COQ8A: variants seen among roughly 807,000 people sequenced by gnomAD.
The protein encoded by COQ8A is coenzyme Q8A.
COQ8A carries 51 observed loss-of-function variants against 65.0 expected under a neutral mutation model. The observed-to-expected ratio is 0.78, with a 90% confidence interval of 0.63 to 0.99. The LOEUF (loss-of-function observed/expected upper bound fraction) is 0.99. COQ8A is among the 50% of genes least tolerant of loss of function. COQ8A has a pLI of 0.00. For synonymous variants in COQ8A, 371 were observed against 353.2 expected (o/e 1.05, Z -0.57); for missense variants, 940 against 875.0 (o/e 1.07, Z -0.94).
At position 226,983,819 on chromosome 1, in the gene COQ8A, C is replaced by A; in HGVS notation, c.1221C>A (p.Asp407Glu). Residue 407 changes from aspartate (D) to glutamate (E), a missense_variant, in exon 10 of 15, where the codon GAC becomes GAA. Physicochemically the swap from Asp to Glu is conservative, Grantham distance 45 (BLOSUM62 2). Transcript: ENST00000366777. ...VLRRELALEC[D>E]YQREAACARK... ...GGCGGGAGCTGGCCCTGGAGTGTGA[C>A]TACCAGCGAGAGGCCGCCTGTGCCC... 6.2e-7 allele frequency: 1 copy of A among 1,612,098 alleles called. No individual in the cohort carries two copies. The highest frequency in any genetic ancestry group is 8.5e-7 in the Non-Finnish European group (1 of 1,179,978).
chr1:226,982,583 G>A, intron 6 of COQ8A, 95 bp from the exon 7 acceptor site: 5 of 1,324,396 alleles, frequency 3.8e-6, no homozygotes, highest in Middle Eastern at 2.5e-4. Context: ...TGGGGAGGGT[G>A]TGGTGGCCAG....
intron 1 of COQ8A, among the ~76,000 whole-genome samples, chr1:226,960,722 T>A (rs1007711676): frequency 2.0e-5 from 3 of 152,074 alleles, no homozygotes; most frequent in African/African-American, 7.3e-5. Flanking sequence ...ACTGTGGGTC[T>A]GGACTGCAGT....
chr1:226,985,418 A>AG (rs1401615292), intron 14 of COQ8A, 78 bp downstream of exon 14: 1 of 1,544,354 alleles, frequency 6.5e-7, no homozygotes, highest in African/African-American at 1.4e-5. Flanking sequence ...ATGAAAGCAC[A>AG]GGGGGCAGCT....
intron 10 of COQ8A, 68 bp from the exon 11 acceptor site, chr1:226,984,026 G>GGT (rs1161883157): frequency 2.6e-5 from 40 of 1,537,524 alleles, no homozygotes; most frequent in Admixed American, 5.3e-5. Context: ...CTGGTTGGGG[G>GGT]GTGTGTGTGG....
chr1:226,985,511 G>A (rs1660047751), intron 14 of COQ8A, among the ~76,000 whole-genome samples, 171 bp downstream of exon 14: 1 of 152,226 alleles, frequency 6.6e-6, no homozygotes, highest in African/African-American at 2.4e-5. Flanking sequence ...CTGCCCTGCT[G>A]AGCGTGAGAT....
In COQ8A at chr1:226,972,995, A is replaced by G. The variant is rs1475577753; in HGVS notation, c.656-4454A>G. Among the ~76,000 whole-genome samples, 1 of 152,216 alleles carries G rather than the reference A, an allele frequency of 6.6e-6. No individual in the cohort carries two copies. Among genetic ancestry groups the G allele is most frequent in the African/African-American group, 2.4e-5 (1 of 41,448 alleles). On this transcript the variant is annotated intron_variant, in intron 4 of 14. Transcript: ENST00000366777. This position sits in a 1 kb window ranked among gnomAD's most constrained non-coding sequence, Gnocchi z 4.3. Reference sequence around the variant, plus strand: ...GTGGCTTGCTGTGGCCTTGAGAGCCATCCCACAGCAGCAATGCTGTTGGAC... The same window carrying G: ...GTGGCTTGCTGTGGCCTTGAGAGCCGTCCCACAGCAGCAATGCTGTTGGAC...
Position 226,985,310 on chromosome 1 carries a change from G to A in COQ8A, c.1629G>A (p.Glu543=). ...DRETVRAKSI[E]MKFLTGYEVK... is the part of the protein sequence containing the mutation. ...AGACTGTGCGGGCGAAATCCATAGA[G>A]ATGAAGTTCCTCACCGGCTACGAGG... is the stretch of plus-strand genomic sequence containing the variant. Residue 543 remains glutamate (E), a synonymous_variant, in exon 14 of 15, where the codon GAG becomes GAA. Transcript: ENST00000366777. The A allele has an allele frequency of 6.2e-7, 1 of 1,613,808 alleles. No homozygotes were observed. Among genetic ancestry groups the A allele is most frequent in the South Asian group, 1.1e-5 (1 of 91,084 alleles).
At position 226,985,459 on chromosome 1, in the gene COQ8A, C is replaced by T. The variant is rs1034014028; in HGVS notation, c.1659+119C>T. On this transcript the variant is annotated intron_variant, in intron 14 of 14. Coordinates refer to ENST00000366777, the MANE Select transcript of COQ8A (RefSeq NM_020247.5). Reference sequence around the variant, plus strand: ...CAAGGGGCCCCCAGAGCCCGGGCCTCCTTGGGCACGGTCTGAAAGCTGGGG... The same window carrying T: ...CAAGGGGCCCCCAGAGCCCGGGCCTTCTTGGGCACGGTCTGAAAGCTGGGG... The T allele has an allele frequency of 4.4e-6, 5 of 1,148,062 alleles. No homozygotes were observed. In the African/African-American group the frequency reaches 4.6e-5, roughly 11 times the overall value. The allele number at this position is 1,148,062 out of a possible 1,614,324, so 71.1% of individuals were successfully genotyped here.
At chr1:226,955,228 G>C (rs1043477452) in intron 1 of COQ8A, among the ~76,000 whole-genome samples, 4 of 151,990 alleles carry the variant, frequency 2.6e-5, no homozygotes, top group African/African-American at 9.7e-5. Context: ...AGTTTGGGAC[G>C]TACTTCCTAT....
At position 226,982,685 on chromosome 1, in the gene COQ8A, C is replaced by G. The variant is rs1237874132; in HGVS notation, c.861C>G (p.Ala287=). The change falls in exon 7 of 15, where the codon GCC becomes GCG. Residue 287 remains alanine (A), a synonymous_variant. Coordinates refer to ENST00000366777, the MANE Select transcript of COQ8A (RefSeq NM_020247.5). ...CATTCTCCTGCCTTCCAGATGATGC[C>G]TTTATCAACCCCCACCTGGCTAAGA... ...LGQMLSIQDD[A]FINPHLAKIF... is the part of the protein sequence containing the mutation. The G allele has an allele frequency of 1.2e-6, 2 of 1,613,468 alleles. No homozygotes were observed. Among genetic ancestry groups the G allele is most frequent in the Admixed American group, 1.7e-5 (1 of 60,032 alleles).
At position 226,946,659 on chromosome 1, in the gene COQ8A, G is replaced by C. The variant is rs976914210; in HGVS notation, c.-10+6260G>C. Among the ~76,000 whole-genome samples, 1 of 152,198 alleles carries C rather than the reference G, an allele frequency of 6.6e-6. No homozygotes were observed. The highest frequency in any genetic ancestry group is 1.5e-5 in the Non-Finnish European group (1 of 68,034). On this transcript the variant is annotated intron_variant, in intron 1 of 14. Transcript: ENST00000366777. The surrounding 1 kb of genome is among the most constrained non-coding windows in gnomAD (Gnocchi z 5.3). The stretch of plus-strand genomic sequence containing the variant: ...ATTGCCCCTTGTCTGGGTTAACTGG[G>C]TGATTTTAAAAGCTATCGAGGTTTT...
In COQ8A at chr1:226,982,966, G is replaced by T; in HGVS notation, c.1012G>T (p.Ala338Ser). The T allele has an allele frequency of 6.2e-7, 1 of 1,604,390 alleles. No individual in the cohort carries two copies. ...ATACTTCGAGGAGCGGCCCTTCGCC[G>T]CCGCATCCATTGGGCAGGTGCACTT... ...LEYFEERPFA[A>S]ASIGQVHLAR... The change falls in exon 8 of 15, where the codon GCC becomes TCC. Residue 338 changes from alanine (A) to serine (S), a missense_variant. By Grantham distance (99) the Ala-to-Ser change is moderately conservative (BLOSUM62 1). Transcript: ENST00000366777.
At chr1:226,945,820 G>A (rs1423550527) in intron 1 of COQ8A, among the ~76,000 whole-genome samples, 1 of 152,256 alleles carries the variant, frequency 6.6e-6, no homozygotes, top group Non-Finnish European at 1.5e-5. Context: ...CAGTAGCAGT[G>A]ACTGCGTCCC....
In COQ8A at chr1:226,953,592, C is replaced by T. The variant is rs192650601; in HGVS notation, c.-9-7785C>T. Among the ~76,000 whole-genome samples, 293 of 152,312 alleles carry T rather than the reference C, an allele frequency of 1.9e-3. 1 individual carries two copies. The highest frequency in any genetic ancestry group is 6.9e-3 in the African/African-American group (285 of 41,570). Reference sequence around the variant, plus strand: ...TCTTGAGTACAGGCTCCTGGGCTCCCGCTGTGAAGGTCTCACTCAGCAGGC... The same window carrying T: ...TCTTGAGTACAGGCTCCTGGGCTCCTGCTGTGAAGGTCTCACTCAGCAGGC... On this transcript the variant is annotated intron_variant, in intron 1 of 14. Coordinates refer to ENST00000366777, the MANE Select transcript of COQ8A (RefSeq NM_020247.5).
intron 1 of COQ8A, among the ~76,000 whole-genome samples, chr1:226,941,644 G>C (rs947829483): frequency 1.3e-5 from 2 of 151,998 alleles, no homozygotes; most frequent in African/African-American, 4.8e-5. Flanking sequence ...ATGTGGTGGC[G>C]GGCGCCTATA....
At chr1:226,945,089 C>A (rs1656949962) in intron 1 of COQ8A, among the ~76,000 whole-genome samples, 2 of 152,166 alleles carry the variant, frequency 1.3e-5, no homozygotes, top group Non-Finnish European at 2.9e-5. Context: ...TCAGAACAGC[C>A]CTGTGTGTGC....
chr1:226,965,389 G>C lies in COQ8A; in HGVS notation c.567G>C (p.Glu189Asp). ...EKARQAKARP[E>D]NKQHKQTLSE... Reference sequence around the variant, plus strand: ...CCCGGCAGGCTAAGGCTCGCCCCGAGAACAAGCAGCACAAACAGACGGTGC... The same window carrying C: ...CCCGGCAGGCTAAGGCTCGCCCCGACAACAAGCAGCACAAACAGACGGTGC... The change falls in exon 3 of 15, where the codon GAG becomes GAC. Residue 189 changes from glutamate (E) to aspartate (D), a missense_variant. Glu to Asp is a conservative substitution (Grantham distance 45). Coordinates refer to ENST00000366777, the MANE Select transcript of COQ8A (RefSeq NM_020247.5). 1.2e-6 allele frequency: 2 copies of C among 1,610,558 alleles called. No individual in the cohort carries two copies. Among genetic ancestry groups the C allele is most frequent in the South Asian group, 2.2e-5 (2 of 90,290 alleles).
intron 4 of COQ8A, among the ~76,000 whole-genome samples, chr1:226,973,856 G>A (rs1210645631): frequency 6.6e-6 from 1 of 152,210 alleles, no homozygotes; most frequent in Non-Finnish European, 1.5e-5. Flanking sequence ...CGCAGCGCCT[G>A]GTTTATAGTT....
intron 7 of COQ8A, 40 bp downstream of exon 7, chr1:226,982,803 G>A (rs1460097853): frequency 6.2e-7 from 1 of 1,612,814 alleles, no homozygotes; most frequent in African/African-American, 1.3e-5. Flanking sequence ...TGTGGCCTCG[G>A]CCCCCACTGG....
Sources: allele counts gnomAD v4.1 joint callset (sites outside exome capture counted in the v4.1 genomes callset), GRCh38; gene constraint gnomAD v4.1.1; non-coding constraint Gnocchi (gnomAD v3.1); transcripts MANE v1.5; gene names NCBI Gene and HGNC (gene_info 2026-07-23, HGNC 2026-07-21).